PDE1C: variants seen among roughly 807,000 people sequenced by gnomAD.
The protein encoded by PDE1C is dual specificity calcium/calmodulin-dependent 3',5'-cyclic nucleotide phosphodiesterase 1C.
Under a neutral mutation model 93.1 loss-of-function variants are expected in PDE1C, and 62 were observed. That is an observed-to-expected ratio of 0.67 (90% confidence interval 0.54 to 0.82). PDE1C has a LOEUF of 0.82. Among genes scored for constraint, PDE1C ranks in the 40% least tolerant of loss-of-function variants. PDE1C has a pLI of 0.00. For missense variants in PDE1C, 742 were observed against 884.6 expected (o/e 0.84, Z 2.04); for synonymous variants, 325 against 310.1 (o/e 1.05, Z -0.50).
At chr7:31,905,685 A>G (rs1800505436) in intron 2 of PDE1C, among the ~76,000 whole-genome samples, 1 of 152,132 alleles carries the variant, frequency 6.6e-6, no homozygotes, top group South Asian at 2.1e-4. Context: ...CTTTAGACAC[A>G]CTTTCTTGTG....
At chr7:32,225,725 T>C (rs987300890) in intron 1 of PDE1C, among the ~76,000 whole-genome samples, 2 of 152,184 alleles carry the variant, frequency 1.3e-5, no homozygotes, top group African/African-American at 4.8e-5. Context: ...GATTTTTCTA[T>C]TCACTGTGAG....
chr7:32,389,620 T>A (rs1784714738), intron 1 of PDE1C, among the ~76,000 whole-genome samples: 1 of 152,228 alleles, frequency 6.6e-6, no homozygotes, highest in Admixed American at 6.5e-5. Context: ...GGTTGCATAC[T>A]CACAGACCTG....
chr7:31,854,007 G>A (rs535434638), intron 7 of PDE1C, among the ~76,000 whole-genome samples: 94 of 151,928 alleles, frequency 6.2e-4, no homozygotes, highest in African/African-American at 2.0e-3. Context: ...GATTATAGGC[G>A]TGAGCAACTG....
At chr7:32,084,718 A>T (rs1420844779) in intron 3 of PDE1C, among the ~76,000 whole-genome samples, 1 of 129,738 alleles carries the variant, frequency 7.7e-6, no homozygotes, top group East Asian at 2.0e-4. Context: ...CCACTCAACT[A>T]CATGGAAACT....
chr7:32,069,274 T>C (rs1249612975), intron 1 of PDE1C, among the ~76,000 whole-genome samples: 1 of 152,234 alleles, frequency 6.6e-6, no homozygotes, highest in Non-Finnish European at 1.5e-5. Flanking sequence ...TGTTTGTGTG[T>C]GTGCTTTCAA....
chr7:31,972,726 AG>A (rs1460814443), intron 2 of PDE1C, among the ~76,000 whole-genome samples: 1 of 152,170 alleles, frequency 6.6e-6, no homozygotes, highest in Non-Finnish European at 1.5e-5. Context: ...GGAGCAGCAC[AG>A]CAACCTAAAA....
intron 2 of PDE1C, among the ~76,000 whole-genome samples, chr7:31,966,487 T>A (rs1221320795): frequency 2.6e-5 from 4 of 151,880 alleles, no homozygotes; most frequent in Admixed American, 6.5e-5. Flanking sequence ...CAAAGAGACT[T>A]AGACTCCCAC....
chr7:32,237,462 T>C (rs1050768535), intron 1 of PDE1C, among the ~76,000 whole-genome samples: 1 of 151,998 alleles, frequency 6.6e-6, no homozygotes, highest in African/African-American at 2.4e-5. Flanking sequence ...TGGAGTTTCT[T>C]TTGGGTAATG....
the PDE1C span, among the ~76,000 whole-genome samples, chr7:31,716,407 C>CGTTAA: frequency 6.6e-6 from 1 of 152,078 alleles, no homozygotes. Flanking sequence ...CAGCTATTAC[C>CGTTAA]ATGATTTAGT....
chr7:32,406,430 T>C (rs1041471339), intron 1 of PDE1C, among the ~76,000 whole-genome samples: 91 of 151,686 alleles, frequency 6.0e-4, no homozygotes, highest in African/African-American at 2.1e-3. Flanking sequence ...CTTCTATTTC[T>C]AGTATACGAG....
At chr7:32,211,380 A>G (rs1806014773) in intron 1 of PDE1C, among the ~76,000 whole-genome samples, 1 of 152,214 alleles carries the variant, frequency 6.6e-6, no homozygotes, top group Admixed American at 6.5e-5. Context: ...AATAATTCAC[A>G]TTCATATTCC....
intron 2 of PDE1C, among the ~76,000 whole-genome samples, chr7:32,170,501 G>A (rs1016309649): frequency 2.6e-5 from 4 of 152,186 alleles, no homozygotes; most frequent in South Asian, 2.1e-4. Context: ...AAGTGGAAGC[G>A]GTGTCTACAA....
chr7:32,098,046 C>A (rs1021987292), intron 3 of PDE1C, among the ~76,000 whole-genome samples: 1 of 148,092 alleles, frequency 6.8e-6, no homozygotes, highest in Non-Finnish European at 1.5e-5. Context: ...CTGGCTAACA[C>A]GGTGAAACCC....
At chr7:32,349,595 G>T (rs1005024775) in intron 1 of PDE1C, among the ~76,000 whole-genome samples, 2 of 152,084 alleles carry the variant, frequency 1.3e-5, no homozygotes, top group Admixed American at 1.3e-4. Context: ...TAATGCATTT[G>T]TCAGTTAGAG....
intron 3 of PDE1C, among the ~76,000 whole-genome samples, chr7:32,126,815 G>A (rs1799607470): frequency 6.6e-6 from 1 of 152,122 alleles, no homozygotes; most frequent in Non-Finnish European, 1.5e-5. Flanking sequence ...TACAATGGCT[G>A]AATTAAAATC....
chr7:32,329,381 T>C (rs1361117888), intron 1 of PDE1C, among the ~76,000 whole-genome samples: 1 of 152,150 alleles, frequency 6.6e-6, no homozygotes, highest in Non-Finnish European at 1.5e-5. Flanking sequence ...GCACCTATTA[T>C]GGAGGCGATA....
At position 32,055,521 on chromosome 7, in the gene PDE1C, A is replaced by T. The variant is rs148444056; in HGVS notation, c.102-3941T>A. ...GAAAATTAAGGAATGTATACAAAGA[A>T]GGCAAAAGATTCCACCAAGAAACTT... On this transcript the variant is annotated intron_variant, in intron 1 of 17. Transcript: ENST00000396191. 2.2e-3 allele frequency among the ~76,000 whole-genome samples: 339 copies of T among 152,328 alleles called. 3 individuals carry two copies. The highest frequency in any genetic ancestry group is 7.8e-3 in the African/African-American group (326 of 41,580).
intron 2 of PDE1C, among the ~76,000 whole-genome samples, chr7:31,926,523 G>T (rs769173792): frequency 1.3e-5 from 2 of 152,188 alleles, no homozygotes; most frequent in Non-Finnish European, 2.9e-5. Context: ...GAACAGCTCC[G>T]GTCTGCAGCT....
chr7:31,682,510 C>T, the PDE1C span, among the ~76,000 whole-genome samples: 1 of 152,142 alleles, frequency 6.6e-6, no homozygotes, highest in African/African-American at 2.4e-5. Context: ...CTGGATCATG[C>T]CACATTGCTG....
Sources: gnomAD v4.1 joint callset for allele counts (sites outside exome capture counted in the v4.1 genomes callset) on GRCh38, gnomAD v4.1.1 for gene constraint, MANE v1.5 for transcripts, NCBI Gene and HGNC (gene_info 2026-07-23, HGNC 2026-07-21) for gene names.